Variants in RGS12 observed in about 807,000 individuals in gnomAD.
RGS12 encodes regulator of G-protein signaling 12.
In RGS12, 66 loss-of-function variants were observed where a neutral mutation model predicts 120.1. The observed-to-expected ratio is 0.55, with a 90% CI of 0.45 to 0.67. The LOEUF is 0.67. Among genes scored for constraint, RGS12 ranks in the 30% least tolerant of loss-of-function variants. The probability of loss-of-function intolerance (pLI) is 0.00; values close to 1 mark genes in which losing one functional copy is unlikely to be tolerated. For missense variants in RGS12, 1,859 were observed against 1,957.7 expected, an observed-to-expected ratio of 0.95 and a Z score of 0.95; for synonymous variants, 827 against 804.7, an observed-to-expected ratio of 1.03 and a Z score of -0.47.
chr4:3,381,272 G>A (rs1718230257), intron 3 of RGS12, among the ~76,000 whole-genome samples: 1 of 152,202 alleles, frequency 6.6e-6, no homozygotes, highest in South Asian at 2.1e-4. Context: ...TCTCTAGGAA[G>A]TTCAAACTTT....
intron 2 of RGS12, among the ~76,000 whole-genome samples, chr4:3,326,233 C>T (rs1331893357): frequency 2.0e-5 from 3 of 152,144 alleles, no homozygotes; most frequent in African/African-American, 4.8e-5. Flanking sequence ...GTCAAATTAT[C>T]GTGGTTTGCT....
chr4:3,350,138 T>A (rs1216846938), intron 3 of RGS12, among the ~76,000 whole-genome samples: 1 of 152,240 alleles, frequency 6.6e-6, no homozygotes, highest in Admixed American at 6.5e-5. Context: ...GGTATTTTGC[T>A]GATAACACAG....
chr4:3,422,841 G>A lies in RGS12; in HGVS notation c.3034-64G>A, dbSNP rs1366649496. 4.3e-6 allele frequency: 6 copies of A among 1,409,028 alleles called. No homozygotes were observed. The African/African-American group carries it at 7.1e-5, about 17-fold the overall frequency. 87.3% of individuals were successfully genotyped at this position (1,409,028 alleles called of 1,614,324 possible). A position where few individuals can be genotyped will look rare whatever the true frequency, so the allele number is the denominator to read the frequency against. ...CTGCACAGCTGTGTGCCTGGGGCAC[G>A]TGGGTCTGCGTTTGGGGGGCTGCCT... is the stretch of plus-strand genomic sequence containing the variant. On this transcript the variant is annotated intron_variant, in intron 11 of 17. Coordinates refer to ENST00000336727, the MANE Select transcript of RGS12 (RefSeq NM_001394154.1).
chr4:3,314,144 G>A (rs935961534), intron 1 of RGS12: 2 of 151,580 alleles, frequency 1.3e-5, no homozygotes, highest in Admixed American at 6.6e-5. Context: ...ATTGAGTAAT[G>A]TAATTTATAT....
At chr4:3,362,923 T>G (rs995957325) in intron 3 of RGS12, among the ~76,000 whole-genome samples, 1 of 140,870 alleles carries the variant, frequency 7.1e-6, no homozygotes, top group Non-Finnish European at 1.5e-5. Flanking sequence ...GGCAAGGCCA[T>G]TTGGAACGCG....
At chr4:3,368,367 G>C (rs1716561448) in intron 3 of RGS12, among the ~76,000 whole-genome samples, 1 of 150,000 alleles carries the variant, frequency 6.7e-6, no homozygotes, top group African/African-American at 2.5e-5. Flanking sequence ...CTGTGTGTGT[G>C]CGTGCCTGTG....
chr4:3,308,957 G>A (rs894474344), intron 1 of RGS12, among the ~76,000 whole-genome samples: 4 of 152,398 alleles, frequency 2.6e-5, no homozygotes, highest in East Asian at 1.9e-4. Flanking sequence ...AGACGCGGTC[G>A]GCACTCGCAG....
At chr4:3,295,692 A>G (rs570490458) in intron 1 of RGS12, among the ~76,000 whole-genome samples, 1 of 151,774 alleles carries the variant, frequency 6.6e-6, no homozygotes, top group South Asian at 2.1e-4. Flanking sequence ...GCTCCATCTC[A>G]AAAACAAAGA....
At chr4:3,315,491 A>G (rs1724679154) in intron 1 of RGS12, among the ~76,000 whole-genome samples, 1 of 152,186 alleles carries the variant, frequency 6.6e-6, no homozygotes, top group South Asian at 2.1e-4. Context: ...CCCACACAGT[A>G]TATTCAAAAT....
chr4:3,368,450 G>GAC (rs1553809399), intron 3 of RGS12, among the ~76,000 whole-genome samples: 1 of 129,644 alleles, frequency 7.7e-6, no homozygotes. Context: ...CTGTGTGTGT[G>GAC]TGGGGTGCCT....
chr4:3,358,112 G>A (rs552606796), intron 3 of RGS12, among the ~76,000 whole-genome samples: 1 of 152,128 alleles, frequency 6.6e-6, no homozygotes, highest in Non-Finnish European at 1.5e-5. Flanking sequence ...TATTGTTAAT[G>A]TAATTGTTTT....
At chr4:3,437,601 T>C (rs1026645872) in intron 17 of RGS12, among the ~76,000 whole-genome samples, 64 of 152,178 alleles carry the variant, frequency 4.2e-4, no homozygotes, top group Non-Finnish European at 8.5e-4. Flanking sequence ...GGGGCAGGGC[T>C]AGCTCCTAGC....
chr4:3,296,472 G>A (rs1301902703), intron 1 of RGS12, among the ~76,000 whole-genome samples: 1 of 152,016 alleles, frequency 6.6e-6, no homozygotes, highest in African/African-American at 2.4e-5. Flanking sequence ...TTGCAGGCAC[G>A]AGCCACCGCG....
At chr4:3,402,028 C>T (rs1449479529) in intron 4 of RGS12, among the ~76,000 whole-genome samples, 2 of 152,250 alleles carry the variant, frequency 1.3e-5, no homozygotes, top group African/African-American at 4.8e-5. Flanking sequence ...AGGCAGCAGG[C>T]CCTGGAGCCC....
intron 1 of RGS12, among the ~76,000 whole-genome samples, chr4:3,298,374 G>A (rs373294684): frequency 1.1e-4 from 17 of 151,644 alleles, no homozygotes; most frequent in African/African-American, 3.6e-4. Context: ...TTTAAGAGAC[G>A]GAGTCTCACT....
chr4:3,414,487 C>T (rs1722118218), intron 5 of RGS12: 1 of 597,134 alleles, frequency 1.7e-6, no homozygotes, highest in Admixed American at 3.0e-5. Context: ...GGTCTCTCTG[C>T]AGCCCGCAGC....
chr4:3,407,022 A>T (rs1180118335), intron 4 of RGS12, among the ~76,000 whole-genome samples: 1 of 152,228 alleles, frequency 6.6e-6, no homozygotes, highest in Non-Finnish European at 1.5e-5. Context: ...GGGACTAAAA[A>T]TTTTTTAATT....
At chr4:3,301,269 C>T (rs1419450850) in intron 1 of RGS12, among the ~76,000 whole-genome samples, 1 of 152,244 alleles carries the variant, frequency 6.6e-6, no homozygotes, top group Admixed American at 6.5e-5. Flanking sequence ...TTGTCCTTAA[C>T]ACGCTTGGTG....
At chr4:3,432,001 A>G in intron 17 of RGS12, 3 of 985,442 alleles carry the variant, frequency 3.0e-6, no homozygotes, top group Non-Finnish European at 3.6e-6. Flanking sequence ...TTTCACAGCC[A>G]GGACACGCCT....
Sources: allele counts gnomAD v4.1 joint callset (sites outside exome capture counted in the v4.1 genomes callset), GRCh38; gene constraint gnomAD v4.1.1; transcripts MANE v1.5; gene names NCBI Gene and HGNC (gene_info 2026-07-23, HGNC 2026-07-21).